IL15: variants seen among roughly 807,000 people sequenced by gnomAD.
IL15 encodes interleukin-15.
Under a neutral mutation model 19.6 loss-of-function variants are expected in IL15, and 11 were observed. The observed-to-expected ratio is 0.56, with a 90% CI of 0.35 to 0.93. The LOEUF (loss-of-function observed/expected upper bound fraction) is 0.93, where lower values mean the gene tolerates loss of function less well. Ranked by LOEUF, IL15 falls within the 40% of genes least tolerant of loss-of-function variation. IL15 has a pLI of 0.01. For synonymous variants in IL15, 58 were observed against 59.6 expected (o/e 0.97, Z 0.12); for missense variants, 197 against 186.5 (o/e 1.06, Z -0.33).
chr4:141,695,332 A>G (rs539154038), intron 2 of IL15, among the ~76,000 whole-genome samples: 237 of 109,792 alleles, frequency 2.2e-3, no homozygotes, highest in Middle Eastern at 0.011. Flanking sequence ...ATTATGTAGT[A>G]CTTGTCTTTC....
chr4:141,682,867 G>A (rs1226638816), intron 2 of IL15, among the ~76,000 whole-genome samples: 2 of 151,654 alleles, frequency 1.3e-5, no homozygotes, highest in Non-Finnish European at 2.9e-5. Context: ...CCCGGGAATG[G>A]CATGAACCCG....
intron 2 of IL15, among the ~76,000 whole-genome samples, chr4:141,681,518 T>C (rs558604742): frequency 5.5e-4 from 84 of 152,302 alleles, no homozygotes; most frequent in Non-Finnish European, 1.1e-3. Flanking sequence ...GGTTCTAGAA[T>C]GCCATGAGTG....
intron 2 of IL15, among the ~76,000 whole-genome samples, chr4:141,696,031 A>G (rs1729081097): frequency 1.3e-5 from 2 of 152,216 alleles, no homozygotes; most frequent in South Asian, 4.1e-4. Flanking sequence ...GCCAAGCCAA[A>G]TGTCATGAAA....
intron 2 of IL15, among the ~76,000 whole-genome samples, chr4:141,675,115 T>C (rs1370363000): frequency 2.0e-5 from 3 of 151,882 alleles, no homozygotes; most frequent in Admixed American, 2.0e-4. Context: ...TAAAAATAAT[T>C]ATATTGGGAT....
At chr4:141,685,702 A>G (rs901861227) in intron 2 of IL15, among the ~76,000 whole-genome samples, 1 of 152,178 alleles carries the variant, frequency 6.6e-6, no homozygotes, top group Admixed American at 6.5e-5. Flanking sequence ...AGCTACAAAT[A>G]TATCTATTGA....
intron 2 of IL15, among the ~76,000 whole-genome samples, chr4:141,661,495 A>G (rs551298083): frequency 1.1e-3 from 161 of 152,310 alleles, no homozygotes; most frequent in African/African-American, 3.6e-3. Flanking sequence ...TGCACGTGCC[A>G]TTCCTCGTAA....
chr4:141,641,704 G>T (rs535535352), intron 1 of IL15, among the ~76,000 whole-genome samples: 1 of 130,106 alleles, frequency 7.7e-6, no homozygotes, highest in Non-Finnish European at 1.6e-5. Flanking sequence ...GGTGGGGGGA[G>T]GGGGGAGGGA....
intron 2 of IL15, among the ~76,000 whole-genome samples, chr4:141,682,348 G>A (rs956145207): frequency 1.3e-5 from 2 of 152,154 alleles, no homozygotes. Context: ...GTCTAACTGT[G>A]AATTTGCTTT....
intron 2 of IL15, among the ~76,000 whole-genome samples, chr4:141,689,956 G>A (rs1474458723): frequency 6.6e-6 from 1 of 152,214 alleles, no homozygotes; most frequent in Non-Finnish European, 1.5e-5. Flanking sequence ...CCATGGAGGG[G>A]GTGGGAGGCT....
intron 2 of IL15, among the ~76,000 whole-genome samples, chr4:141,691,681 T>C (rs1293310835): frequency 6.6e-6 from 1 of 152,192 alleles, no homozygotes; most frequent in Non-Finnish European, 1.5e-5. Context: ...TTTGACTCCA[T>C]GTCTCATATC....
rs1345777588 is a variant in IL15 at position 141,732,780 on chromosome 4, G to GA, written c.428dup (p.Asn143LysfsTer3). 6.2e-7 allele frequency: 1 copy of GA among 1,612,570 alleles called. No individual in the cohort carries two copies. Among genetic ancestry groups the GA allele is most frequent in the Non-Finnish European group, 8.5e-7 (1 of 1,179,466 alleles). ...ATGCAAAGAATGTGAGGAACTGGAG[G>GA]AAAAAAATATTAAAGAATTTTTGCA... On this transcript the variant is annotated frameshift_variant, in exon 8 of 8. Transcript: ENST00000320650. LOFTEE classifies it high-confidence loss of function.
At chr4:141,641,738 G>A in intron 1 of IL15, among the ~76,000 whole-genome samples, 1 of 151,122 alleles carries the variant, frequency 6.6e-6, no homozygotes, top group East Asian at 2.0e-4. Context: ...TATACCTAAT[G>A]TAAATGACGA....
At chr4:141,658,390 T>A (rs1277162370) in intron 2 of IL15, among the ~76,000 whole-genome samples, 3 of 152,108 alleles carry the variant, frequency 2.0e-5, no homozygotes, top group African/African-American at 7.2e-5. Context: ...AATACAGACA[T>A]CTTTGTCACC....
intron 5 of IL15, among the ~76,000 whole-genome samples, chr4:141,722,908 A>C (rs1483254174): frequency 6.6e-6 from 1 of 152,198 alleles, no homozygotes; most frequent in Non-Finnish European, 1.5e-5. Flanking sequence ...GCTCATTAGC[A>C]GAATGAATGA....
intron 2 of IL15, chr4:141,714,671 A>G (rs1037195589): frequency 6.6e-6 from 1 of 152,208 alleles, no homozygotes; most frequent in African/African-American, 2.4e-5. Context: ...TGATGTGTCC[A>G]TCATTCCCTT....
intron 4 of IL15, chr4:141,720,824 C>G (rs1730050370): frequency 5.5e-6 from 3 of 549,232 alleles, no homozygotes; most frequent in African/African-American, 1.9e-5. Context: ...TTTAACTGAA[C>G]TTGGAAGTAT....
At chr4:141,639,520 A>G (rs953077487) in intron 1 of IL15, among the ~76,000 whole-genome samples, 3 of 152,230 alleles carry the variant, frequency 2.0e-5, no homozygotes, top group African/African-American at 7.2e-5. Flanking sequence ...GACAAATAGT[A>G]GGCAAATGTG....
At position 141,721,973 on chromosome 4, in the gene IL15, A is replaced by G. The variant is rs761253919; in HGVS notation, c.160A>G (p.Ile54Val). 54 of 1,594,096 alleles carry G rather than the reference A, an allele frequency of 3.4e-5. No individual in the cohort carries two copies. The highest frequency in any genetic ancestry group is 4.5e-5 in the Non-Finnish European group (52 of 1,165,064). Residue 54 changes from isoleucine (I) to valine (V), a missense_variant, in exon 5 of 8, where the codon ATA becomes GTA. Transcript: ENST00000320650. ...AACAGAAGCCAACTGGGTGAATGTA[A>G]TAAGTGATTTGAAAAAAATTGAAGA... ...PKTEANWVNV[I>V]SDLKKIEDLI... is the part of the protein sequence containing the mutation.
chr4:141,641,244 G>A (rs188700950), intron 1 of IL15, among the ~76,000 whole-genome samples: 212 of 152,120 alleles, frequency 1.4e-3, no homozygotes, highest in African/African-American at 4.3e-3. Flanking sequence ...AAGGATTTTC[G>A]TTGTGAAAAT....
Sources: allele counts gnomAD v4.1 joint callset (sites outside exome capture counted in the v4.1 genomes callset), GRCh38; gene constraint gnomAD v4.1.1; transcripts MANE v1.5; gene names NCBI Gene and HGNC (gene_info 2026-07-23, HGNC 2026-07-21).